Variants in SLC14A2 observed in about 807,000 individuals in gnomAD.
SLC14A2 encodes urea transporter 2.
In SLC14A2, 91 loss-of-function variants were observed where a neutral mutation model predicts 104.6. The ratio of observed to expected loss-of-function variants is 0.87; its 90% CI spans 0.73 to 1.04. SLC14A2 has a LOEUF of 1.04. SLC14A2 is among the 50% of genes least tolerant of loss of function. SLC14A2 has a pLI of 0.00. For missense variants in SLC14A2, 1,189 were observed against 1,156.0 expected (o/e 1.03, Z -0.41); for synonymous variants, 476 against 466.4 (o/e 1.02, Z -0.27).
At chr18:45,238,054 C>T (rs2084273708) in intron 1 of SLC14A2, among the ~76,000 whole-genome samples, 1 of 152,150 alleles carries the variant, frequency 6.6e-6, no homozygotes, top group Admixed American at 6.5e-5. Context: ...GGAGACAAGC[C>T]AATATCTCTA....
intron 1 of SLC14A2, among the ~76,000 whole-genome samples, chr18:45,374,615 A>G (rs1432578185): frequency 4.0e-5 from 6 of 151,418 alleles, no homozygotes; most frequent in Non-Finnish European, 5.9e-5. Context: ...TTACTGTGCT[A>G]TTAGAGGCAA....
intron 1 of SLC14A2, among the ~76,000 whole-genome samples, chr18:45,233,776 C>A (rs151031410): frequency 0.018 from 2,533 of 138,084 alleles, 60 homozygotes; most frequent in Non-Finnish European, 0.025. Context: ...CGCCCCGACT[C>A]CCCCTTCCCC....
At chr18:45,330,852 A>G (rs1211143653) in intron 1 of SLC14A2, among the ~76,000 whole-genome samples, 2 of 152,206 alleles carry the variant, frequency 1.3e-5, no homozygotes, top group Non-Finnish European at 2.9e-5. Flanking sequence ...CTGAGTCTAC[A>G]ATTCCTGAGC....
chr18:45,635,119 G>A (rs183246211), intron 5 of SLC14A2, among the ~76,000 whole-genome samples: 31 of 152,284 alleles, frequency 2.0e-4, no homozygotes, highest in Admixed American at 8.5e-4. Flanking sequence ...AGAACTGGTC[G>A]GTGGCAGGAG....
Position 45,638,099 on chromosome 18 carries a change from G to A in SLC14A2, c.843+917G>A, listed in dbSNP as rs149668172. Among the ~76,000 whole-genome samples the A allele has an allele frequency of 6.6e-5, 10 of 152,280 alleles. No homozygotes were observed. In the East Asian group the frequency reaches 1.9e-3, roughly 29 times the overall value. On this transcript the variant is annotated intron_variant, in intron 6 of 19. Coordinates refer to ENST00000255226, the MANE Select transcript of SLC14A2 (RefSeq NM_007163.4). ...AAAATCTGCGTTCCCGGATGGAAAGGTGGACGTGAACTCCCCTCAGCATCC... is the reference window on the plus strand; with the variant it reads ...AAAATCTGCGTTCCCGGATGGAAAGATGGACGTGAACTCCCCTCAGCATCC...
chr18:45,619,959 C>CGGCCCCGAGT (rs2045137472), intron 1 of SLC14A2, among the ~76,000 whole-genome samples: 1 of 152,208 alleles, frequency 6.6e-6, no homozygotes, highest in Non-Finnish European at 1.5e-5. Context: ...GAGGCCCACG[C>CGGCCCCGAGT]GGCCCCGAGT....
intron 1 of SLC14A2, among the ~76,000 whole-genome samples, chr18:45,420,508 A>G (rs545806406): frequency 6.9e-4 from 105 of 152,144 alleles, no homozygotes; most frequent in African/African-American, 2.4e-3. Context: ...TCACATGTGG[A>G]TGTGTCAGGT....
chr18:45,229,510 C>T (rs903998464), intron 1 of SLC14A2, among the ~76,000 whole-genome samples: 4 of 152,080 alleles, frequency 2.6e-5, no homozygotes, highest in African/African-American at 9.7e-5. Flanking sequence ...CAAGTTCTGC[C>T]GTGTCACTCC....
chr18:45,323,100 C>T (rs978067003), intron 1 of SLC14A2, among the ~76,000 whole-genome samples: 4 of 152,110 alleles, frequency 2.6e-5, no homozygotes, highest in Non-Finnish European at 4.4e-5. Flanking sequence ...CCGTATGGAC[C>T]TCACAAGGCT....
intron 1 of SLC14A2, among the ~76,000 whole-genome samples, chr18:45,430,880 A>G (rs2144549702): frequency 6.6e-6 from 1 of 152,264 alleles, no homozygotes; most frequent in South Asian, 2.1e-4. Context: ...GGATCCATGG[A>G]GCTGATGACT....
intron 4 of SLC14A2, among the ~76,000 whole-genome samples, chr18:45,631,088 G>T (rs2045338202): frequency 6.6e-6 from 1 of 152,176 alleles, no homozygotes; most frequent in South Asian, 2.1e-4. Flanking sequence ...GCATCTCAGG[G>T]AGCCCTAAGC....
At chr18:45,448,975 T>G (rs1402057569) in intron 1 of SLC14A2, among the ~76,000 whole-genome samples, 1 of 152,192 alleles carries the variant, frequency 6.6e-6, no homozygotes, top group Non-Finnish European at 1.5e-5. Context: ...GACCGGAATC[T>G]GTAACAGAGC....
At chr18:45,411,451 G>A (rs761770760) in intron 1 of SLC14A2, among the ~76,000 whole-genome samples, 2 of 152,182 alleles carry the variant, frequency 1.3e-5, no homozygotes, top group Non-Finnish European at 2.9e-5. Context: ...GAAGCACAGT[G>A]AAGGGATATC....
chr18:45,185,372 C>G, the SLC14A2 span, among the ~76,000 whole-genome samples: 100 of 152,278 alleles, frequency 6.6e-4, no homozygotes, highest in African/African-American at 2.2e-3. Flanking sequence ...CAGTGTGACC[C>G]TCTCAGATTG....
At chr18:45,292,942 A>T (rs562651509) in intron 1 of SLC14A2, among the ~76,000 whole-genome samples, 15 of 148,060 alleles carry the variant, frequency 1.0e-4, no homozygotes, top group African/African-American at 3.5e-4. Context: ...TGCAAGTTCA[A>T]AACTTGTCCT....
At chr18:45,181,159 C>G in the SLC14A2 span, 5,166 of 152,622 alleles carry the variant, frequency 0.034, 298 homozygotes, top group African/African-American at 0.12. Flanking sequence ...ACCGATTGCT[C>G]TCTCATCTCC....
intron 1 of SLC14A2, among the ~76,000 whole-genome samples, chr18:45,222,109 G>A (rs1004634238): frequency 1.3e-5 from 2 of 152,282 alleles, no homozygotes; most frequent in Admixed American, 6.5e-5. Flanking sequence ...CTTGAGTACA[G>A]AACTACTAGT....
chr18:45,253,230 G>C (rs958550794), intron 1 of SLC14A2, among the ~76,000 whole-genome samples: 7 of 152,188 alleles, frequency 4.6e-5, no homozygotes, highest in Non-Finnish European at 1.0e-4. Flanking sequence ...TTGCTGGCTG[G>C]AGGGTAACAC....
chr18:45,379,150 C>G (rs2085806865), intron 1 of SLC14A2, among the ~76,000 whole-genome samples: 1 of 152,158 alleles, frequency 6.6e-6, no homozygotes. Flanking sequence ...TCACGGAATA[C>G]AATCCATCTG....
Sources: allele counts gnomAD v4.1 joint callset (sites outside exome capture counted in the v4.1 genomes callset), GRCh38; gene constraint gnomAD v4.1.1; transcripts MANE v1.5; gene names NCBI Gene and HGNC (gene_info 2026-07-23, HGNC 2026-07-21).